Variants in NRXN2 observed in about 807,000 individuals in gnomAD.
NRXN2 encodes neurexin-2-beta.
A neutral mutation model predicts 128.8 loss-of-function variants in NRXN2; 29 were observed. That is an observed-to-expected ratio of 0.23 (90% CI 0.17 to 0.31). The LOEUF (loss-of-function observed/expected upper bound fraction) is 0.31. Ranked by LOEUF, NRXN2 falls within the 10% of genes least tolerant of loss-of-function variation. The probability of loss-of-function intolerance (pLI) is 1.00; values close to 1 mark genes in which losing one functional copy is unlikely to be tolerated. For synonymous variants in NRXN2, 1,098 were observed against 1,075.2 expected, an observed-to-expected ratio of 1.02 and a Z score of -0.41; for missense variants, 1,881 against 2,452.6, an observed-to-expected ratio of 0.77 and a Z score of 4.92.
intron 6 of NRXN2, 80 bp from the exon 7 acceptor site, chr11:64,677,117 G>A: frequency 1.0e-6 from 1 of 953,088 alleles, no homozygotes; most frequent in Non-Finnish European, 1.6e-6. Flanking sequence ...AGAACAGAAT[G>A]AAAAGAAAAG....
At position 64,630,842 on chromosome 11, in the gene NRXN2, A is replaced by C. The variant is rs2043801829; in HGVS notation, c.3586-269T>G. On this transcript the variant is annotated intron_variant, in intron 18 of 22. Coordinates refer to ENST00000265459, the MANE Select transcript of NRXN2 (RefSeq NM_015080.4). This position sits in a 1 kb window ranked among gnomAD's most constrained non-coding sequence, Gnocchi z 4.6. ...GCCTTTTGGTTTGTCCTGGATATTC[A>C]CAAGTATTCACAGAGCACCTACTCT... Among the ~76,000 whole-genome samples the C allele has an allele frequency of 6.6e-6, 1 of 152,144 alleles. No homozygotes were observed. The highest frequency in any genetic ancestry group is 2.1e-4 in the South Asian group (1 of 4,828).
intron 2 of NRXN2, among the ~76,000 whole-genome samples, chr11:64,702,340 C>A (rs367844452): frequency 1.3e-5 from 2 of 151,864 alleles, no homozygotes; most frequent in Non-Finnish European, 2.9e-5. Flanking sequence ...ATGACAATGG[C>A]GGTTTTGTAG....
At chr11:64,611,371 C>A (rs531437144) in intron 22 of NRXN2, among the ~76,000 whole-genome samples, 3 of 152,332 alleles carry the variant, frequency 2.0e-5, no homozygotes, top group Admixed American at 1.3e-4. Context: ...CCATCTTAGA[C>A]TGGGCCACCA....
intron 15 of NRXN2, among the ~76,000 whole-genome samples, chr11:64,649,451 C>T (rs544712228): frequency 1.1e-4 from 16 of 152,178 alleles, no homozygotes; most frequent in Non-Finnish European, 1.8e-4. Flanking sequence ...CCTGGAATCC[C>T]TGGAAGCCCT....
chr11:64,633,058 C>T (rs1349332770), intron 18 of NRXN2, among the ~76,000 whole-genome samples: 1 of 152,146 alleles, frequency 6.6e-6, no homozygotes, highest in African/African-American at 2.4e-5. Context: ...TCTCATGGAC[C>T]CCCACCCTTG....
chr11:64,697,621 G>A (rs1228728608), intron 3 of NRXN2, among the ~76,000 whole-genome samples, 154 bp downstream of exon 3: 1 of 152,154 alleles, frequency 6.6e-6, no homozygotes, highest in African/African-American at 2.4e-5. Context: ...AGAGAGTGGG[G>A]CAAGGCAGCC....
chr11:64,643,263 C>G, intron 17 of NRXN2: 1 of 978,400 alleles, frequency 1.0e-6, no homozygotes. Context: ...AGACCTGGTT[C>G]CCCCGAAGGC....
chr11:64,690,321 T>C, intron 5 of NRXN2, 84 bp downstream of exon 5: 2 of 1,260,504 alleles, frequency 1.6e-6, no homozygotes, highest in South Asian at 2.5e-5. Context: ...TGTGCCTGCG[T>C]TGACTTGGCT....
chr11:64,676,452 G>A (rs1480318777), intron 7 of NRXN2: 3 of 164,724 alleles, frequency 1.8e-5, no homozygotes, highest in Admixed American at 5.9e-5. Context: ...CCCACTGGCT[G>A]CCACTGGAGG....
chr11:64,615,163 G>A (rs2041280591), intron 22 of NRXN2, among the ~76,000 whole-genome samples: 2 of 152,196 alleles, frequency 1.3e-5, no homozygotes. Flanking sequence ...CCCACGGCTG[G>A]CCCATAAAAT....
At chr11:64,617,490 C>T (rs922181621) in intron 22 of NRXN2, among the ~76,000 whole-genome samples, 13 of 152,184 alleles carry the variant, frequency 8.5e-5, no homozygotes, top group Admixed American at 5.9e-4. Flanking sequence ...CTAAAATAAC[C>T]GTGTAGATGA....
Position 64,606,849 on chromosome 11 carries a change from G to C in NRXN2, c.*347C>G, listed in dbSNP as rs2039711374. The C allele has an allele frequency of 6.7e-6, 2 of 297,404 alleles. No individual in the cohort carries two copies. The highest frequency in any genetic ancestry group is 6.5e-5 in the East Asian group (1 of 15,416). The allele number at this position is 297,404 out of a possible 1,614,324, so 18.4% of individuals were successfully genotyped here. On this transcript the variant is annotated 3_prime_UTR_variant, in exon 23 of 23. Coordinates refer to ENST00000265459, the MANE Select transcript of NRXN2 (RefSeq NM_015080.4). ...AGGAAAATTAACAGGACGAGCAGTGGACACTTTACAAAACCCCCAGCCTTC... is the reference window on the plus strand; with the variant it reads ...AGGAAAATTAACAGGACGAGCAGTGCACACTTTACAAAACCCCCAGCCTTC...
Position 64,713,301 on chromosome 11 carries a change from G to A in NRXN2, c.399C>T (p.Arg133=). ...GCCGCTTGGAGCGCACCTCGGCGGC[G>A]CGGGCCTCGCCGTCCACCGCCAGCG... ...RTALAVDGEA[R]AAEVRSKRRE... is the part of the protein sequence containing the mutation. Residue 133 remains arginine, a synonymous_variant, in exon 2 of 23, where the codon CGC becomes CGT. Coordinates refer to ENST00000265459, the MANE Select transcript of NRXN2 (RefSeq NM_015080.4). 1 of 1,362,462 alleles carries A rather than the reference G, an allele frequency of 7.3e-7. No individual in the cohort carries two copies. Among genetic ancestry groups the A allele is most frequent in the Non-Finnish European group, 9.4e-7 (1 of 1,063,322 alleles). The allele number at this position is 1,362,462 out of a possible 1,614,324, so 84.4% of individuals were successfully genotyped here. A position where few individuals can be genotyped will look rare whatever the true frequency, so the allele number is the denominator to read the frequency against.
chr11:64,692,153 AG>A (rs1366039346), intron 4 of NRXN2, among the ~76,000 whole-genome samples: 1 of 152,224 alleles, frequency 6.6e-6, no homozygotes, highest in Non-Finnish European at 1.5e-5. Flanking sequence ...ACCACCAATA[AG>A]GGTTGTGGAA....
At chr11:64,650,049 C>T (rs895506939) in intron 15 of NRXN2, among the ~76,000 whole-genome samples, 3 of 152,106 alleles carry the variant, frequency 2.0e-5, no homozygotes, top group Non-Finnish European at 4.4e-5. Flanking sequence ...CTAGCTCCTG[C>T]TACGTCCTCT....
intron 17 of NRXN2, chr11:64,643,253 A>G (rs2046041762): frequency 2.0e-6 from 2 of 976,264 alleles, no homozygotes; most frequent in Non-Finnish European, 2.4e-6. Context: ...AGAGGGACGG[A>G]GACCTGGTTC....
Position 64,606,827 on chromosome 11 carries a change from AAAATT to A in NRXN2, c.*364_*368del. On this transcript the variant is annotated 3_prime_UTR_variant, in exon 23 of 23. Transcript: ENST00000265459. ...GAAGGAAGAAGAAGAAAAATTGAGG[AAAATT>A]AACAGGACGAGCAGTGGACACTTTA... The A allele has an allele frequency of 4.5e-6, 1 of 221,340 alleles. No individual in the cohort carries two copies. Among genetic ancestry groups the A allele is most frequent in the Non-Finnish European group, 9.0e-6 (1 of 110,754 alleles). The allele number at this position is 221,340 out of a possible 1,614,324, so 13.7% of individuals were successfully genotyped here.
In NRXN2 at chr11:64,685,812, T is replaced by G; in HGVS notation, c.986A>C (p.His329Pro). Reference sequence around the variant, plus strand: ...GACGTAGTCGGCCGACTTGCCTGTATGCAGCATCAGGCCGTTGCGTTGCAG... The same window carrying G: ...GACGTAGTCGGCCGACTTGCCTGTAGGCAGCATCAGGCCGTTGCGTTGCAG... ...RTLQRNGLML[H>P]TGKSADYVNL... Residue 329 changes from histidine to proline, a missense_variant, in exon 6 of 23, where the codon CAT (histidine) becomes CCT (proline). Coordinates refer to ENST00000265459, the MANE Select transcript of NRXN2 (RefSeq NM_015080.4). 1 of 1,614,234 alleles carries G rather than the reference T, an allele frequency of 6.2e-7. No individual in the cohort carries two copies. Among genetic ancestry groups the G allele is most frequent in the Non-Finnish European group, 8.5e-7 (1 of 1,180,042 alleles).
chr11:64,653,168 C>T (rs1443378865), intron 12 of NRXN2, among the ~76,000 whole-genome samples: 1 of 152,164 alleles, frequency 6.6e-6, no homozygotes, highest in Non-Finnish European at 1.5e-5. Context: ...CTCACTGTCA[C>T]CATAGAAGGA....
Sources: allele counts gnomAD v4.1 joint callset (sites outside exome capture counted in the v4.1 genomes callset), GRCh38; gene constraint gnomAD v4.1.1; non-coding constraint Gnocchi (gnomAD v3.1); transcripts MANE v1.5; gene names NCBI Gene and HGNC (gene_info 2026-07-23, HGNC 2026-07-21).